Variants in PPP2R5D observed in about 807,000 individuals in gnomAD.
PPP2R5D encodes the protein protein phosphatase 2 regulatory subunit B'delta.
A neutral mutation model predicts 79.1 loss-of-function variants in PPP2R5D; 12 were observed. That is an observed-to-expected ratio of 0.15 (90% confidence interval 0.10 to 0.25). The LOEUF is 0.25. Ranked by LOEUF, PPP2R5D falls within the 10% of genes least tolerant of loss-of-function variation. The pLI is 1.00. For missense variants in PPP2R5D, 419 were observed against 760.2 expected (o/e 0.55, Z 5.28); for synonymous variants, 277 against 286.6 (o/e 0.97, Z 0.34).
rs1452907455 is a variant in PPP2R5D at position 43,006,489 on chromosome 6, C to T, written c.132C>T (p.Pro44=). 1 of 1,613,552 alleles carries T rather than the reference C, an allele frequency of 6.2e-7. No individual in the cohort carries two copies. The highest frequency in any genetic ancestry group is 8.5e-7 in the Non-Finnish European group (1 of 1,179,894). Residue 44 remains proline, a synonymous_variant, in exon 3 of 16, where the codon CCC becomes CCT. Transcript: ENST00000485511. This position sits in a 1 kb window ranked among gnomAD's most constrained non-coding sequence, Gnocchi z 4.7. ...EEAQPQPQPQ[P]QPQAQSQPPS... is the part of the protein sequence containing the mutation. ...CCCAGCCGCAGCCCCAGCCCCAGCC[C>T]CAGCCCCAAGCCCAGTCTCAGCCAC...
intron 2 of PPP2R5D, among the ~76,000 whole-genome samples, chr6:43,000,776 C>T (rs879511091): frequency 1.3e-5 from 2 of 152,190 alleles, no homozygotes; most frequent in African/African-American, 2.4e-5. Flanking sequence ...CTGAGGATTC[C>T]TGAGTTGGGG....
chr6:43,010,372 TC>T lies in PPP2R5D; in HGVS notation c.1380-95del. 2.1e-6 allele frequency: 2 copies of T among 967,042 alleles called. No individual in the cohort carries two copies. Among genetic ancestry groups the T allele is most frequent in the Non-Finnish European group, 3.3e-6 (2 of 605,702 alleles). 59.9% of individuals were successfully genotyped at this position (967,042 alleles called of 1,614,324 possible). A position where few individuals can be genotyped will look rare whatever the true frequency, so the allele number is the denominator to read the frequency against. ...AACTGGAAGTAGTAAATGACAAAGC[TC>T]TTAGCAGAGATACCCCTGTGAGAGA... On this transcript the variant is annotated intron_variant, in intron 12 of 15. Transcript: ENST00000485511. This position sits in a 1 kb window ranked among gnomAD's most constrained non-coding sequence, Gnocchi z 4.7.
In PPP2R5D at chr6:42,989,651, G is replaced by A; in HGVS notation, c.68G>A (p.Ser23Asn). 1 of 1,614,024 alleles carries A rather than the reference G, an allele frequency of 6.2e-7. No individual in the cohort carries two copies. Among genetic ancestry groups the A allele is most frequent in the Non-Finnish European group, 8.5e-7 (1 of 1,179,914 alleles). Reference protein sequence around the residue: ...KVAKCTAKPSSSGKDGGGENT... With the variant: ...KVAKCTAKPSNSGKDGGGENT... ...GCCAAATGCACAGCCAAGCCTAGCA[G>A]CTCGGGCAAGGATGGTGGAGGCGAG... The change falls in exon 2 of 16, where the codon AGC (serine) becomes AAC (asparagine). Residue 23 changes from serine to asparagine, a missense_variant. By Grantham distance (46) the Ser-to-Asn change is conservative. Transcript: ENST00000485511.
chr6:43,011,145 A>C lies in PPP2R5D; in HGVS notation c.1672-4A>C. 2.5e-6 allele frequency: 4 copies of C among 1,614,134 alleles called. No individual in the cohort carries two copies. The highest frequency in any genetic ancestry group is 2.5e-6 in the Non-Finnish European group (3 of 1,179,982). ...TTCCTCACCTTGTCCCTATTCACAC[A>C]CAGATGCTAAAAGACATCAAGAAGG... On this transcript the variant is annotated splice_polypyrimidine_tract_variant and splice_region_variant and intron_variant, in intron 15 of 15. Transcript: ENST00000485511.
In PPP2R5D at chr6:42,989,973, A is replaced by G. The variant is rs185029241; in HGVS notation, c.105+285A>G. On this transcript the variant is annotated intron_variant, in intron 2 of 15. Coordinates refer to ENST00000485511, the MANE Select transcript of PPP2R5D (RefSeq NM_006245.4). Reference sequence around the variant, plus strand: ...AGAATTCCTTTTTCTTAGGGCAAAAAGCGGGAGGTTCTGGGATCCTGGGCA... The same window carrying G: ...AGAATTCCTTTTTCTTAGGGCAAAAGGCGGGAGGTTCTGGGATCCTGGGCA... Among the ~76,000 whole-genome samples, 9 of 152,180 alleles carry G rather than the reference A, an allele frequency of 5.9e-5. No individual in the cohort carries two copies. In the East Asian group the frequency reaches 1.7e-3, roughly 29 times the overall value.
Position 43,012,211 on chromosome 6 carries a change from G to A in PPP2R5D, c.*925G>A. On this transcript the variant is annotated 3_prime_UTR_variant, in exon 16 of 16. Coordinates refer to ENST00000485511, the MANE Select transcript of PPP2R5D (RefSeq NM_006245.4). ...GGAAGGCCGGACCCAGGTTCCAGGG[G>A]CGCAGGCAGTGCGGCTTTTGGCTGT... The A allele has an allele frequency of 1.7e-6, 2 of 1,173,190 alleles. No homozygotes were observed. Among genetic ancestry groups the A allele is most frequent in the Non-Finnish European group, 2.1e-6 (2 of 949,480 alleles). 72.7% of individuals were successfully genotyped at this position (1,173,190 alleles called of 1,614,324 possible).
At chr6:43,004,108 C>T (rs542010848) in intron 2 of PPP2R5D, among the ~76,000 whole-genome samples, 6 of 151,890 alleles carry the variant, frequency 4.0e-5, no homozygotes, top group African/African-American at 1.2e-4. Flanking sequence ...CTGCAACGTC[C>T]GCCTCCTGGG....
chr6:43,006,994 C>G lies in PPP2R5D; in HGVS notation c.406C>G (p.Leu136Val). 1 of 1,614,162 alleles carries G rather than the reference C, an allele frequency of 6.2e-7. No individual in the cohort carries two copies. The highest frequency in any genetic ancestry group is 8.5e-7 in the Non-Finnish European group (1 of 1,180,024). Residue 136 changes from leucine (L) to valine (V), a missense_variant, in exon 4 of 16, where the codon CTC becomes GTC. Leu to Val is a conservative substitution (Grantham distance 32). This residue lies in a region of PPP2R5D where 29 missense variants were observed against 64.2 expected (regional missense o/e 0.45). Coordinates refer to ENST00000485511, the MANE Select transcript of PPP2R5D (RefSeq NM_006245.4). This position sits in a 1 kb window ranked among gnomAD's most constrained non-coding sequence, Gnocchi z 4.7. ...CVLFDFVSDP[L>V]SDLKFKEVKR... ...CCTCTTTGACTTCGTGTCAGACCCA[C>G]TCAGTGACCTCAAATTCAAGGAGGT...
chr6:42,988,026 G>C (rs1188037604), intron 1 of PPP2R5D, among the ~76,000 whole-genome samples: 1 of 152,070 alleles, frequency 6.6e-6, no homozygotes, highest in East Asian at 1.9e-4. Context: ...AGCTGGGTTA[G>C]TATACAGCAG....
intron 2 of PPP2R5D, among the ~76,000 whole-genome samples, chr6:43,001,049 T>C (rs1772156208): frequency 6.6e-6 from 1 of 151,980 alleles, no homozygotes; most frequent in South Asian, 2.1e-4. Flanking sequence ...AAAGAGGGGG[T>C]GACACCCAAG....
intron 2 of PPP2R5D, among the ~76,000 whole-genome samples, chr6:43,005,767 G>A (rs1238118727): frequency 4.6e-5 from 7 of 151,958 alleles, no homozygotes; most frequent in African/African-American, 1.2e-4. Context: ...GATTACAGGC[G>A]CCTGCCACCA....
intron 2 of PPP2R5D, among the ~76,000 whole-genome samples, chr6:42,999,365 T>C (rs1433374788): frequency 2.0e-5 from 3 of 152,194 alleles, no homozygotes; most frequent in Non-Finnish European, 2.9e-5. Context: ...CAGAAACAGC[T>C]GTCTCTCAGA....
chr6:42,995,930 G>T (rs1286099149), intron 2 of PPP2R5D, among the ~76,000 whole-genome samples: 1 of 149,098 alleles, frequency 6.7e-6, no homozygotes, highest in Non-Finnish European at 1.5e-5. Context: ...GCGCCATCTC[G>T]GCTCACTGCA....
chr6:42,996,218 C>T (rs1300476672), intron 2 of PPP2R5D, among the ~76,000 whole-genome samples: 2 of 148,686 alleles, frequency 1.3e-5, no homozygotes, highest in African/African-American at 4.9e-5. Flanking sequence ...AATCCCAGCA[C>T]TTTGGGAGGC....
In PPP2R5D at chr6:43,007,327, AT is replaced by A. The variant is rs1762137843; in HGVS notation, c.633+23del. 2 of 1,612,244 alleles carry A rather than the reference AT, an allele frequency of 1.2e-6. No individual in the cohort carries two copies. The highest frequency in any genetic ancestry group is 1.7e-6 in the Non-Finnish European group (2 of 1,178,366). Reference sequence around the variant, plus strand: ...TCCAGGTACCAGGGCAAGGGGGCAGATTGGCCGTGGCTGCAGGGAGTGGGGC... The same window carrying A: ...TCCAGGTACCAGGGCAAGGGGGCAGATGGCCGTGGCTGCAGGGAGTGGGGC... On this transcript the variant is annotated intron_variant, in intron 5 of 15. Coordinates refer to ENST00000485511, the MANE Select transcript of PPP2R5D (RefSeq NM_006245.4). This position sits in a 1 kb window ranked among gnomAD's most constrained non-coding sequence, Gnocchi z 4.5.
chr6:42,996,428 C>T (rs959166998), intron 2 of PPP2R5D, among the ~76,000 whole-genome samples: 1 of 150,950 alleles, frequency 6.6e-6, no homozygotes, highest in Non-Finnish European at 1.5e-5. Flanking sequence ...GGCGCCACTG[C>T]ACTCCAGCCT....
intron 2 of PPP2R5D, among the ~76,000 whole-genome samples, chr6:42,998,746 A>C (rs1231191831): frequency 6.6e-6 from 1 of 152,092 alleles, no homozygotes; most frequent in East Asian, 1.9e-4. Flanking sequence ...AAAACTACAG[A>C]AAAGTAGGCC....
At chr6:43,000,060 G>A (rs1029556806) in intron 2 of PPP2R5D, among the ~76,000 whole-genome samples, 6 of 150,796 alleles carry the variant, frequency 4.0e-5, no homozygotes, top group African/African-American at 1.5e-4. Context: ...CTCAGCCTCC[G>A]GAATAGCTGG....
At chr6:42,993,693 C>T (rs890253612) in intron 2 of PPP2R5D, among the ~76,000 whole-genome samples, 1 of 152,236 alleles carries the variant, frequency 6.6e-6, no homozygotes, top group African/African-American at 2.4e-5. Context: ...CATTCTCCTC[C>T]ATGTGTCTCT....
Sources: gnomAD v4.1 joint callset for allele counts (sites outside exome capture counted in the v4.1 genomes callset) on GRCh38, gnomAD v4.1.1 for gene constraint, gnomAD v4.1.1 regional missense constraint, Gnocchi (gnomAD v3.1) non-coding constraint, MANE v1.5 for transcripts, NCBI Gene and HGNC (gene_info 2026-07-23, HGNC 2026-07-21) for gene names.